Variants in TRIO observed in about 807,000 individuals in gnomAD.
The protein encoded by TRIO is trio Rho guanine nucleotide exchange factor.
A neutral mutation model predicts 351.9 loss-of-function variants in TRIO; 58 were observed. The observed-to-expected ratio is 0.16, with a 90% confidence interval of 0.13 to 0.21. TRIO has a LOEUF of 0.21. Ranked by LOEUF, TRIO falls within the 10% of genes least tolerant of loss-of-function variation. The pLI, the probability that TRIO is intolerant of heterozygous loss-of-function variation, is 1.00. For missense variants in TRIO, 3,201 were observed against 4,027.8 expected, an observed-to-expected ratio of 0.79 and a Z score of 5.56; for synonymous variants, 1,758 against 1,595.7, an observed-to-expected ratio of 1.10 and a Z score of -2.42.
At chr5:14,488,296 C>T (rs573704220) in intron 48 of TRIO, 36 bp downstream of exon 48, 19 of 1,521,456 alleles carry the variant, frequency 1.2e-5, no homozygotes, top group African/African-American at 8.2e-5. Flanking sequence ...CTCCCGCCCC[C>T]CTGCCTCTGT....
intron 34 of TRIO, among the ~76,000 whole-genome samples, chr5:14,454,525 A>G (rs541868041): frequency 6.6e-6 from 1 of 152,364 alleles, no homozygotes; most frequent in African/African-American, 2.4e-5. Flanking sequence ...CACCATTCAT[A>G]GTGGTTGACT....
chr5:14,291,157 A>C lies in TRIO; in HGVS notation c.982A>C (p.Met328Leu), dbSNP rs1332218483. ...CTCGACACGGCAGCATCTGCACCAG[A>C]TGTGGCATGTGAGGAAGCTGAAGCT... is the stretch of plus-strand genomic sequence containing the variant. ...LHSTRQHLHQ[M>L]WHVRKLKLDQ... The change falls in exon 5 of 57, where the codon ATG becomes CTG. Residue 328 changes from methionine to leucine, a missense_variant. By Grantham distance (15) the Met-to-Leu change is conservative. This residue lies in a region of TRIO where 349 missense variants were observed against 449.3 expected (regional missense o/e 0.78). Coordinates refer to ENST00000344204, the MANE Select transcript of TRIO (RefSeq NM_007118.4). 1 of 1,614,182 alleles carries C rather than the reference A, an allele frequency of 6.2e-7. No individual in the cohort carries two copies. Among genetic ancestry groups the C allele is most frequent in the South Asian group, 1.1e-5 (1 of 91,086 alleles).
At chr5:14,411,590 A>G (rs1034762908) in intron 33 of TRIO, among the ~76,000 whole-genome samples, 2 of 152,172 alleles carry the variant, frequency 1.3e-5, no homozygotes, top group Admixed American at 1.3e-4. Context: ...ATTTAAAAAC[A>G]TAACTGGTTT....
At chr5:14,144,279 C>G (rs1246230519) in intron 1 of TRIO, among the ~76,000 whole-genome samples, 5 of 152,208 alleles carry the variant, frequency 3.3e-5, no homozygotes, top group South Asian at 2.1e-4. Flanking sequence ...GCTCTTACCC[C>G]GGAGGCCGAG....
chr5:14,180,278 G>C (rs1316785265), intron 1 of TRIO, among the ~76,000 whole-genome samples: 1 of 152,064 alleles, frequency 6.6e-6, no homozygotes, highest in African/African-American at 2.4e-5. Context: ...ATTAGATGTT[G>C]CCTGGAGCTT....
At chr5:14,506,741 A>G (rs1380575773) in intron 55 of TRIO, among the ~76,000 whole-genome samples, 2 of 152,012 alleles carry the variant, frequency 1.3e-5, no homozygotes, top group South Asian at 2.1e-4. Flanking sequence ...GGCCCATTCT[A>G]CAGGTGAGGA....
intron 1 of TRIO, among the ~76,000 whole-genome samples, chr5:14,247,733 T>A (rs1008763336): frequency 6.6e-6 from 1 of 152,172 alleles, no homozygotes; most frequent in Admixed American, 6.5e-5. Flanking sequence ...ATACATGGGC[T>A]TAGATATATA....
At chr5:14,298,014 T>C (rs1021470981) in intron 7 of TRIO, among the ~76,000 whole-genome samples, 3 of 151,624 alleles carry the variant, frequency 2.0e-5, no homozygotes, top group Non-Finnish European at 4.4e-5. Context: ...CTGCAAGGGG[T>C]GGGGGAAAGG....
chr5:14,220,708 A>G (rs554147790), intron 1 of TRIO, among the ~76,000 whole-genome samples: 39 of 152,354 alleles, frequency 2.6e-4, no homozygotes, highest in African/African-American at 7.9e-4. Context: ...CCCTTTAGAC[A>G]AAGCCTAATC....
intron 49 of TRIO, among the ~76,000 whole-genome samples, 194 bp from the exon 50 acceptor site, chr5:14,496,685 A>G (rs898316018): frequency 6.6e-6 from 1 of 152,166 alleles, no homozygotes; most frequent in African/African-American, 2.4e-5. Context: ...TCAAACTTTA[A>G]GAGATTGTTG....
intron 1 of TRIO, among the ~76,000 whole-genome samples, chr5:14,202,772 C>G (rs1561196893): frequency 1.3e-5 from 2 of 150,422 alleles, no homozygotes; most frequent in Admixed American, 1.3e-4. Flanking sequence ...CCTCACTCTT[C>G]CGGCAGTGAG....
chr5:14,390,367 T>G, intron 26 of TRIO, 67 bp downstream of exon 26: 1 of 1,443,416 alleles, frequency 6.9e-7, no homozygotes, highest in East Asian at 2.3e-5. Flanking sequence ...TTAGGAGGGA[T>G]GGTCTTCATT....
At chr5:14,186,832 C>G (rs1790149271) in intron 1 of TRIO, among the ~76,000 whole-genome samples, 1 of 152,162 alleles carries the variant, frequency 6.6e-6, no homozygotes, top group Non-Finnish European at 1.5e-5. Context: ...CCTGTCTCGG[C>G]CTCCCAAAAT....
At chr5:14,303,814 G>T (rs1049983812) in intron 7 of TRIO, among the ~76,000 whole-genome samples, 1 of 152,190 alleles carries the variant, frequency 6.6e-6, no homozygotes, top group African/African-American at 2.4e-5. Context: ...TGGGAATGAT[G>T]CCCCTGCCTC....
Position 14,368,386 on chromosome 5 carries a change from G to C in TRIO, c.2875-322G>C, listed in dbSNP as rs115106444. On this transcript the variant is annotated intron_variant, in intron 16 of 56. Coordinates refer to ENST00000344204, the MANE Select transcript of TRIO (RefSeq NM_007118.4). The stretch of plus-strand genomic sequence containing the variant: ...AGGATCAACAGGAATAATAAACTTG[G>C]AACATTTCAACCACTTCTTTGGCTG... Among the ~76,000 whole-genome samples the C allele has an allele frequency of 9.0e-3, 1,373 of 152,206 alleles. 18 individuals are homozygous for C. Among genetic ancestry groups the C allele is most frequent in the African/African-American group, 0.031 (1,289 of 41,526 alleles).
intron 8 of TRIO, among the ~76,000 whole-genome samples, chr5:14,312,590 G>A (rs1180405722): frequency 6.6e-6 from 1 of 152,172 alleles, no homozygotes; most frequent in South Asian, 2.1e-4. Context: ...ATTTAATAAG[G>A]TTGATTTTCT....
chr5:14,220,343 C>T (rs1181946169), intron 1 of TRIO, among the ~76,000 whole-genome samples: 1 of 152,104 alleles, frequency 6.6e-6, no homozygotes, highest in Non-Finnish European at 1.5e-5. Context: ...CCAGCTGTTA[C>T]CCCGCCTCTC....
chr5:14,507,526 G>A (rs369290699), intron 56 of TRIO, among the ~76,000 whole-genome samples: 3 of 152,312 alleles, frequency 2.0e-5, no homozygotes, highest in African/African-American at 4.8e-5. Context: ...AGTTTTGCCC[G>A]GTGGGTGTGG....
chr5:14,487,171 G>A (rs1755976558), intron 47 of TRIO, among the ~76,000 whole-genome samples: 2 of 152,138 alleles, frequency 1.3e-5, no homozygotes, highest in Admixed American at 1.3e-4. Context: ...GAAGCCAGTT[G>A]GTAGCTGGAG....
Sources: gnomAD v4.1 joint callset for allele counts (sites outside exome capture counted in the v4.1 genomes callset) on GRCh38, gnomAD v4.1.1 for gene constraint, gnomAD v4.1.1 regional missense constraint, MANE v1.5 for transcripts, NCBI Gene and HGNC (gene_info 2026-07-23, HGNC 2026-07-21) for gene names.